The following OGDH variants were observed in gnomAD, a reference collection of about 807,000 sequenced individuals.
OGDH encodes the protein oxoglutarate dehydrogenase, also known as 2-oxoglutarate dehydrogenase complex component E1.
In OGDH, 38 loss-of-function variants were observed where a neutral mutation model predicts 116.6. The observed-to-expected ratio is 0.33, with a 90% CI of 0.25 to 0.43. OGDH has a LOEUF of 0.43. OGDH is among the 20% of genes least tolerant of loss of function. OGDH has a pLI of 1.00. For missense variants in OGDH, 825 were observed against 1,357.2 expected, an observed-to-expected ratio of 0.61 and a Z score of 6.16; for synonymous variants, 488 against 533.3, an observed-to-expected ratio of 0.92 and a Z score of 1.17.
intron 9 of OGDH, 174 bp downstream of exon 9, chr7:44,676,323 A>T (rs1787692101): frequency 7.0e-7 from 1 of 1,421,170 alleles, no homozygotes; most frequent in Non-Finnish European, 9.4e-7. Flanking sequence ...TGGGAGGCCG[A>T]GGTGGGCAGA....
Position 44,666,788 on chromosome 7 carries a change from CA to C in OGDH, c.571del (p.Thr191ProfsTer90). On this transcript the variant is annotated frameshift_variant, in exon 5 of 23. Coordinates refer to ENST00000222673, the MANE Select transcript of OGDH (RefSeq NM_002541.4). LOFTEE classifies it high-confidence loss of function. ...DLDKVFHLPT[T>X]TFIGGQESAL... is the part of the protein sequence containing the mutation. ...TCGACAAGGTCTTCCACTTGCCCAC[CA>C]CCACTTTCATCGGGGGACAGGAATC... is the stretch of plus-strand genomic sequence containing the variant. 1 of 1,613,326 alleles carries C rather than the reference CA, an allele frequency of 6.2e-7. No homozygotes were observed. Among genetic ancestry groups the C allele is most frequent in the Non-Finnish European group, 8.5e-7 (1 of 1,179,668 alleles).
chr7:44,657,062 TTA>T (rs1159962870), intron 4 of OGDH, among the ~76,000 whole-genome samples: 1 of 152,196 alleles, frequency 6.6e-6, no homozygotes, highest in African/African-American at 2.4e-5. Flanking sequence ...TTTGAGATTA[TTA>T]TAGATCCATA....
intron 1 of OGDH, among the ~76,000 whole-genome samples, chr7:44,623,128 G>A (rs542492877): frequency 1.3e-5 from 2 of 152,278 alleles, no homozygotes; most frequent in East Asian, 1.9e-4. Flanking sequence ...GTGGCAGGCA[G>A]GACACTGGAC....
At chr7:44,628,102 A>C (rs1029738394) in intron 2 of OGDH, among the ~76,000 whole-genome samples, 1 of 152,226 alleles carries the variant, frequency 6.6e-6, no homozygotes, top group African/African-American at 2.4e-5. Context: ...TTAAAAATCT[A>C]TTCCCTACCC....
intron 2 of OGDH, among the ~76,000 whole-genome samples, chr7:44,626,059 T>C (rs1410367230): frequency 1.3e-5 from 2 of 152,156 alleles, no homozygotes; most frequent in African/African-American, 4.8e-5. Context: ...CCACTTTGTC[T>C]CAGCCTTATT....
Position 44,675,217 on chromosome 7 carries a change from G to A in OGDH, c.975G>A (p.Glu325=), listed in dbSNP as rs1357149908. 1.2e-6 allele frequency: 2 copies of A among 1,614,210 alleles called. No homozygotes were observed. Among genetic ancestry groups the A allele is most frequent in the East Asian group, 2.2e-5 (1 of 44,884 alleles). ...LNVLANVIRK[E]LEQIFCQFDS... ...TGCTTGCAAATGTCATCAGGAAGGA[G>A]CTGGAACAGATCTTCTGTCAATTCG... Residue 325 remains glutamate, a synonymous_variant, in exon 8 of 23, where the codon GAG becomes GAA. Coordinates refer to ENST00000222673, the MANE Select transcript of OGDH (RefSeq NM_002541.4).
chr7:44,615,300 G>A (rs1262906993), intron 1 of OGDH, among the ~76,000 whole-genome samples: 1 of 152,168 alleles, frequency 6.6e-6, no homozygotes, highest in Non-Finnish European at 1.5e-5. Context: ...GGTGTCTGGG[G>A]GGAGGGATTC....
intron 1 of OGDH, among the ~76,000 whole-genome samples, chr7:44,618,377 C>T (rs75343129): frequency 0.01 from 1,595 of 152,190 alleles, 27 homozygotes; most frequent in African/African-American, 0.036. Flanking sequence ...AAAAAGAAAG[C>T]CCTATGTCCA....
intron 1 of OGDH, among the ~76,000 whole-genome samples, chr7:44,607,483 G>A (rs1479444502): frequency 6.6e-6 from 1 of 152,150 alleles, no homozygotes; most frequent in Non-Finnish European, 1.5e-5. Flanking sequence ...CTTGCAGTCC[G>A]TACTTTGAGG....
At chr7:44,625,248 C>T (rs1449091883) in intron 2 of OGDH, among the ~76,000 whole-genome samples, 1 of 152,102 alleles carries the variant, frequency 6.6e-6, no homozygotes, top group Non-Finnish European at 1.5e-5. Flanking sequence ...CCTCAGCCTC[C>T]CGAGTAACTG....
At chr7:44,661,932 T>A (rs1436108767) in intron 4 of OGDH, among the ~76,000 whole-genome samples, 1 of 152,224 alleles carries the variant, frequency 6.6e-6, no homozygotes, top group Non-Finnish European at 1.5e-5. Flanking sequence ...ATAGCATTTT[T>A]AGTAGTTGTT....
chr7:44,643,034 G>A (rs894621315), intron 2 of OGDH, among the ~76,000 whole-genome samples: 5 of 151,416 alleles, frequency 3.3e-5, no homozygotes, highest in Admixed American at 1.3e-4. Context: ...GAGGCAGGAG[G>A]ATTGCTTGAG....
intron 1 of OGDH, among the ~76,000 whole-genome samples, chr7:44,616,043 A>C (rs1244041390): frequency 1.3e-5 from 2 of 151,966 alleles, no homozygotes; most frequent in Non-Finnish European, 2.9e-5. Flanking sequence ...AAAAAAAAAA[A>C]AAACCTCAAT....
At chr7:44,608,407 C>A (rs1433485882) in intron 1 of OGDH, among the ~76,000 whole-genome samples, 1 of 150,092 alleles carries the variant, frequency 6.7e-6, no homozygotes. Flanking sequence ...GATCCTGTCT[C>A]AAAAAAAAAG....
intron 3 of OGDH, among the ~76,000 whole-genome samples, chr7:44,646,155 G>A (rs1786170907): frequency 1.3e-5 from 2 of 152,138 alleles, no homozygotes; most frequent in Admixed American, 1.3e-4. Context: ...TGATACATGG[G>A]GAGAGCCTAG....
intron 9 of OGDH, among the ~76,000 whole-genome samples, chr7:44,677,408 G>T (rs1319757042): frequency 1.3e-5 from 2 of 152,204 alleles, no homozygotes; most frequent in African/African-American, 2.4e-5. Context: ...AGAGCAGGTA[G>T]TTGTCATTTT....
At chr7:44,673,976 TC>T in intron 6 of OGDH, 35 bp downstream of exon 6, 1 of 1,612,762 alleles carries the variant, frequency 6.2e-7, no homozygotes, top group Non-Finnish European at 8.5e-7. Flanking sequence ...GGGCAGACAT[TC>T]CCAGGGAAGC....
intron 10 of OGDH, among the ~76,000 whole-genome samples, chr7:44,687,052 G>A (rs1467937305): frequency 1.7e-5 from 2 of 120,600 alleles, no homozygotes; most frequent in Admixed American, 8.0e-5. Flanking sequence ...TGGGATTTCT[G>A]TTTGGGATAT....
chr7:44,624,310 T>TTTTTTTAA lies in OGDH; in HGVS notation c.-27-7_-27-6insTTTTTTAA. The TTTTTTTAA allele has an allele frequency of 5.4e-6, 6 of 1,102,340 alleles. No individual in the cohort carries two copies. Among genetic ancestry groups the TTTTTTTAA allele is most frequent in the South Asian group, 2.0e-5 (1 of 51,012 alleles). The allele number at this position is 1,102,340 out of a possible 1,614,324, so 68.3% of individuals were successfully genotyped here. A position where few individuals can be genotyped will look rare whatever the true frequency, so the allele number is the denominator to read the frequency against. On this transcript the variant is annotated splice_region_variant and splice_polypyrimidine_tract_variant and intron_variant, in intron 1 of 22. Transcript: ENST00000222673. ...TTTCTTGTTTTTTTTTTTTTTTTTT[T>TTTTTTTAA]GTACAGGCAGTTGTGAAAAACTTCA... is the stretch of plus-strand genomic sequence containing the variant.
Sources: allele counts gnomAD v4.1 joint callset (sites outside exome capture counted in the v4.1 genomes callset), GRCh38; gene constraint gnomAD v4.1.1; transcripts MANE v1.5; gene names NCBI Gene and HGNC (gene_info 2026-07-23, HGNC 2026-07-21).